The following UNC5C variants were observed in gnomAD, a reference collection of about 807,000 sequenced individuals.
The protein encoded by UNC5C is netrin receptor UNC5C.
Under a neutral mutation model 99.8 loss-of-function variants are expected in UNC5C, and 47 were observed. That is an observed-to-expected ratio of 0.47 (90% CI 0.37 to 0.60). The LOEUF is 0.60. Among genes scored for constraint, UNC5C ranks in the 20% least tolerant of loss-of-function variants. The probability of loss-of-function intolerance (pLI) is 0.00; values close to 1 mark genes in which losing one functional copy is unlikely to be tolerated. For synonymous variants in UNC5C, 487 were observed against 452.2 expected (o/e 1.08, Z -0.98); for missense variants, 1,062 against 1,165.9 (o/e 0.91, Z 1.30).
intron 1 of UNC5C, among the ~76,000 whole-genome samples, chr4:95,477,594 T>C (rs1247627445): frequency 6.6e-6 from 1 of 152,032 alleles, no homozygotes; most frequent in Non-Finnish European, 1.5e-5. Flanking sequence ...CCTAAATTAC[T>C]CTGATGTGCT....
chr4:95,362,847 T>C (rs1477798469), intron 1 of UNC5C, among the ~76,000 whole-genome samples: 1 of 152,104 alleles, frequency 6.6e-6, no homozygotes, highest in Non-Finnish European at 1.5e-5. Flanking sequence ...AATATGAAGA[T>C]CAAGAAAATG....
intron 3 of UNC5C, among the ~76,000 whole-genome samples, chr4:95,297,152 A>T (rs1741695490): frequency 6.6e-6 from 1 of 152,122 alleles, no homozygotes; most frequent in Non-Finnish European, 1.5e-5. Context: ...TGAGCTTCAG[A>T]TTCCTATGGA....
chr4:95,370,663 T>G (rs1744717592), intron 1 of UNC5C, among the ~76,000 whole-genome samples: 1 of 152,212 alleles, frequency 6.6e-6, no homozygotes, highest in African/African-American at 2.4e-5. Context: ...TTTGGCAGCT[T>G]GATTTGTGTT....
At position 95,354,479 on chromosome 4, in the gene UNC5C, A is replaced by ATATATATATTTTTTT; in HGVS notation, c.125-18849_125-18848insAAAAAAATATATATA. On this transcript the variant is annotated intron_variant, in intron 1 of 15. Coordinates refer to ENST00000453304, the MANE Select transcript of UNC5C (RefSeq NM_003728.4). Reference sequence around the variant, plus strand: ...TTACCTAACTCTTCCATATATATATATTTTTTTTTTTTTTTTAAGAGACAG... The same window carrying ATATATATATTTTTTT: ...TTACCTAACTCTTCCATATATATATATATATATATTTTTTTTTTTTTTTTTTTTTTTAAGAGACAG... Among the ~76,000 whole-genome samples, 108 of 110,336 alleles carry ATATATATATTTTTTT rather than the reference A, an allele frequency of 9.8e-4. 2 individuals carry two copies. Among genetic ancestry groups the ATATATATATTTTTTT allele is most frequent in the Admixed American group, 1.7e-3 (18 of 10,652 alleles). 72.4% of individuals were successfully genotyped at this position (110,336 alleles called of 152,430 possible). A position where few individuals can be genotyped will look rare whatever the true frequency, so the allele number is the denominator to read the frequency against.
At chr4:95,211,599 C>T (rs757624111) in intron 10 of UNC5C, among the ~76,000 whole-genome samples, 98 of 152,232 alleles carry the variant, frequency 6.4e-4, no homozygotes, top group Non-Finnish European at 1.1e-3. Context: ...CATGGACATG[C>T]GGATCTTGTA....
chr4:95,229,896 C>A lies in UNC5C; in HGVS notation c.1109-9720G>T, dbSNP rs1412002694. On this transcript the variant is annotated intron_variant, in intron 7 of 15. Transcript: ENST00000453304. The stretch of plus-strand genomic sequence containing the variant: ...CACGATCTTGGCTCACTGCAACCTG[C>A]ACCTCCTGGGTTCAAGCGATTCTCC... 5.4e-5 allele frequency among the ~76,000 whole-genome samples: 8 copies of A among 147,176 alleles called. No individual in the cohort carries two copies. In the East Asian group the frequency reaches 1.6e-3, roughly 30 times the overall value.
intron 11 of UNC5C, among the ~76,000 whole-genome samples, chr4:95,205,908 T>C (rs958007885): frequency 5.3e-5 from 8 of 152,246 alleles, no homozygotes; most frequent in African/African-American, 1.7e-4. Flanking sequence ...ACAAGAACTG[T>C]ATCCCAGGTA....
At chr4:95,275,381 A>T (rs2149392950) in intron 4 of UNC5C, among the ~76,000 whole-genome samples, 1 of 152,342 alleles carries the variant, frequency 6.6e-6, no homozygotes, top group South Asian at 2.1e-4. Context: ...AGTGCTTTTG[A>T]CATGTTCTAA....
chr4:95,528,893 A>G (rs1395249011), intron 1 of UNC5C, among the ~76,000 whole-genome samples: 2 of 152,180 alleles, frequency 1.3e-5, no homozygotes, highest in Non-Finnish European at 2.9e-5. Context: ...TGTGAGTTAA[A>G]AGAACAGTTC....
intron 3 of UNC5C, among the ~76,000 whole-genome samples, chr4:95,284,384 G>C (rs1197315347): frequency 6.6e-6 from 1 of 152,118 alleles, no homozygotes; most frequent in African/African-American, 2.4e-5. Context: ...ACACATTTTA[G>C]GGGGGAAAAG....
At chr4:95,349,142 C>T (rs933156522) in intron 1 of UNC5C, among the ~76,000 whole-genome samples, 1 of 150,936 alleles carries the variant, frequency 6.6e-6, no homozygotes, top group Admixed American at 6.6e-5. Flanking sequence ...GCTTGTAACA[C>T]AAATAGAGGA....
At chr4:95,530,864 A>G (rs995500358) in intron 1 of UNC5C, among the ~76,000 whole-genome samples, 1 of 152,210 alleles carries the variant, frequency 6.6e-6, no homozygotes, top group African/African-American at 2.4e-5. Flanking sequence ...TTGGTCATAT[A>G]TGAATATGAA....
At chr4:95,382,278 G>T (rs563233032) in intron 1 of UNC5C, among the ~76,000 whole-genome samples, 4 of 152,052 alleles carry the variant, frequency 2.6e-5, no homozygotes, top group African/African-American at 9.6e-5. Flanking sequence ...TTTGAGACCA[G>T]CTTGGGCAAC....
intron 1 of UNC5C, among the ~76,000 whole-genome samples, chr4:95,424,811 C>T (rs1746430937): frequency 1.3e-5 from 2 of 151,920 alleles, no homozygotes; most frequent in African/African-American, 2.4e-5. Context: ...GAGTGAGCCA[C>T]CGCACCCGCC....
intron 1 of UNC5C, among the ~76,000 whole-genome samples, chr4:95,457,156 T>C (rs796516142): frequency 6.6e-5 from 10 of 152,292 alleles, no homozygotes; most frequent in African/African-American, 2.2e-4. Flanking sequence ...TTATTCAATG[T>C]TGTTTTCTGA....
intron 1 of UNC5C, among the ~76,000 whole-genome samples, chr4:95,365,941 G>GTT (rs56789564): frequency 2.8e-4 from 42 of 148,518 alleles, no homozygotes; most frequent in African/African-American, 5.4e-4. Flanking sequence ...TTTCTGAGAA[G>GTT]TTTTTTTTTT....
chr4:95,249,790 A>G (rs987438288), intron 5 of UNC5C, among the ~76,000 whole-genome samples: 5 of 152,196 alleles, frequency 3.3e-5, no homozygotes, highest in Admixed American at 6.5e-5. Flanking sequence ...GGACTTTAGC[A>G]TATCGTTAGG....
At chr4:95,352,206 A>G (rs1297634288) in intron 1 of UNC5C, among the ~76,000 whole-genome samples, 1 of 152,118 alleles carries the variant, frequency 6.6e-6, no homozygotes, top group Non-Finnish European at 1.5e-5. Flanking sequence ...AACTCCCCTG[A>G]TCTGATTGCT....
rs193256106 is a variant in UNC5C at position 95,416,418 on chromosome 4, A to G, written c.125-80787T>C. On this transcript the variant is annotated intron_variant, in intron 1 of 15. Transcript: ENST00000453304. ...GGAACTGAGTGGAACAGTAGGGAGT[A>G]TCTTGGGGACAGTGACTAGCATAAA... is the stretch of plus-strand genomic sequence containing the variant. Among the ~76,000 whole-genome samples the G allele has an allele frequency of 1.7e-4, 26 of 152,278 alleles. No homozygotes were observed. In the East Asian group the frequency reaches 5.0e-3, roughly 29 times the overall value.
Sources: allele counts gnomAD v4.1 joint callset (sites outside exome capture counted in the v4.1 genomes callset), GRCh38; gene constraint gnomAD v4.1.1; transcripts MANE v1.5; gene names NCBI Gene and HGNC (gene_info 2026-07-23, HGNC 2026-07-21).